Variants in TNFRSF17 observed in about 807,000 individuals in gnomAD.
TNFRSF17 encodes the protein tumor necrosis factor receptor superfamily member 17.
Under a neutral mutation model 9.9 loss-of-function variants are expected in TNFRSF17, and 13 were observed. That is an observed-to-expected ratio of 1.31 (90% CI 0.85 to 2.08). TNFRSF17 has a LOEUF of 2.08. Among genes scored for constraint, TNFRSF17 ranks in the 30% most tolerant of loss-of-function variants. The probability of loss-of-function intolerance (pLI) is 0.00; values close to 1 mark genes in which losing one functional copy is unlikely to be tolerated. For missense variants in TNFRSF17, 305 were observed against 225.8 expected, an observed-to-expected ratio of 1.35 and a Z score of -2.25; for synonymous variants, 99 against 83.7, an observed-to-expected ratio of 1.18 and a Z score of -1.00.
chr16:11,965,427 C>A lies in TNFRSF17; in HGVS notation c.103C>A (p.Leu35Ile), dbSNP rs1274772306. The A allele has an allele frequency of 6.2e-7, 1 of 1,614,040 alleles. No individual in the cohort carries two copies. The change falls in exon 1 of 3, where the codon CTA becomes ATA. Residue 35 changes from leucine to isoleucine, a missense_variant. Physicochemically the swap from Leu to Ile is conservative, Grantham distance 5. Coordinates refer to ENST00000053243, the MANE Select transcript of TNFRSF17 (RefSeq NM_001192.3). ...TCGATGTTCTTCTAATACTCCTCCT[C>A]TAACATGTCAGCGTTATTGTAATGC... Reference protein sequence around the residue: ...QLRCSSNTPPLTCQRYCNASV... With the variant: ...QLRCSSNTPPITCQRYCNASV...
At chr16:11,966,375 C>T (rs1394286111) in intron 2 of TNFRSF17, 34 bp downstream of exon 2, 6 of 1,596,784 alleles carry the variant, frequency 3.8e-6, no homozygotes, top group Non-Finnish European at 5.1e-6. Flanking sequence ...AAATCTATTT[C>T]CAGGGGATGG....
rs1206424584 is a variant in TNFRSF17, at chr16:11,966,199, G to C, written c.135G>C (p.Val45=). 1 of 1,612,634 alleles carries C rather than the reference G, an allele frequency of 6.2e-7. No homozygotes were observed. Among genetic ancestry groups the C allele is most frequent in the Admixed American group, 1.7e-5 (1 of 59,882 alleles). Residue 45 remains valine (V), a synonymous_variant, in exon 2 of 3, where the codon GTG becomes GTC. Transcript: ENST00000053243. ...TCTGATGTTCTTTTCATAAAGGTGTGACCAATTCAGTGAAAGGAACGAATG... is the reference window on the plus strand; with the variant it reads ...TCTGATGTTCTTTTCATAAAGGTGTCACCAATTCAGTGAAAGGAACGAATG... ...LTCQRYCNAS[V]TNSVKGTNAI... is the part of the protein sequence containing the mutation.
intron 1 of TNFRSF17, among the ~76,000 whole-genome samples, chr16:11,965,827 C>A (rs1295645821): frequency 6.6e-6 from 1 of 151,976 alleles, no homozygotes; most frequent in East Asian, 1.9e-4. Flanking sequence ...GTATGACAGC[C>A]GGGTGCGGTG....
chr16:11,966,122 A>G, intron 1 of TNFRSF17, 73 bp from the exon 2 acceptor site: 3 of 1,431,634 alleles, frequency 2.1e-6, no homozygotes, highest in Non-Finnish European at 2.8e-6. Flanking sequence ...AAATAAATAA[A>G]TAAATAATAA....
intron 2 of TNFRSF17, among the ~76,000 whole-genome samples, chr16:11,966,764 T>C (rs1247637886): frequency 2.6e-5 from 4 of 152,144 alleles, no homozygotes; most frequent in Non-Finnish European, 5.9e-5. Flanking sequence ...GAGTGAACAT[T>C]TTACTACTGA....
Position 11,967,793 on chromosome 16 carries a change from C to G in TNFRSF17, c.501C>G (p.Ser167Arg). 1 of 1,614,182 alleles carries G rather than the reference C, an allele frequency of 6.2e-7. No individual in the cohort carries two copies. The highest frequency in any genetic ancestry group is 1.6e-4 in the Middle Eastern group (1 of 6,062). Residue 167 changes from serine (S) to arginine (R), a missense_variant, in exon 3 of 3, where the codon AGC becomes AGG. Transcript: ENST00000053243. The part of the protein sequence containing the change: ...VTTKTNDYCK[S>R]LPAALSATEI... ...CGAAAACGAATGACTATTGCAAGAGCCTGCCAGCTGCTTTGAGTGCTACGG... is the reference window on the plus strand; with the variant it reads ...CGAAAACGAATGACTATTGCAAGAGGCTGCCAGCTGCTTTGAGTGCTACGG...
Position 11,967,962 on chromosome 16 carries a change from T to G in TNFRSF17, c.*115T>G. 1 of 1,196,944 alleles carries G rather than the reference T, an allele frequency of 8.4e-7. No homozygotes were observed. Among genetic ancestry groups the G allele is most frequent in the Non-Finnish European group, 1.2e-6 (1 of 868,048 alleles). The allele number at this position is 1,196,944 out of a possible 1,614,324, so 74.1% of individuals were successfully genotyped here. A position where few individuals can be genotyped will look rare whatever the true frequency, so the allele number is the denominator to read the frequency against. ...CAGTTGCCGATACAGCTTTTTGTCCTCTAACTGTGGAAACTCTTTATGTTA... is the reference window on the plus strand; with the variant it reads ...CAGTTGCCGATACAGCTTTTTGTCCGCTAACTGTGGAAACTCTTTATGTTA... On this transcript the variant is annotated 3_prime_UTR_variant, in exon 3 of 3. Transcript: ENST00000053243.
intron 1 of TNFRSF17, 78 bp downstream of exon 1, chr16:11,965,532 C>T: frequency 7.1e-7 from 1 of 1,418,412 alleles, no homozygotes; most frequent in South Asian, 1.3e-5. Flanking sequence ...AGAGAATCAA[C>T]ATAATGGGCA....
chr16:11,965,571 A>T (rs2055187023), intron 1 of TNFRSF17, 117 bp downstream of exon 1: 2 of 1,087,856 alleles, frequency 1.8e-6, no homozygotes, highest in Admixed American at 5.0e-5. Flanking sequence ...AATCAAAAAG[A>T]GAAAGGAAGC....
Position 11,965,330 on chromosome 16 carries a change from G to T in TNFRSF17, c.6G>T (p.Leu2Phe). The T allele has an allele frequency of 5.6e-6, 9 of 1,613,998 alleles. No homozygotes were observed. ...CTTGTTTTCTTTTTGTGATCATGTT[G>T]CAGATGGCTGGGCAGTGCTCCCAAA... Reference protein sequence around the residue: MLQMAGQCSQNE... With the variant: MFQMAGQCSQNE... Residue 2 changes from leucine (L) to phenylalanine (F), a missense_variant, in exon 1 of 3, where the codon TTG (leucine) becomes TTT (phenylalanine). Coordinates refer to ENST00000053243, the MANE Select transcript of TNFRSF17 (RefSeq NM_001192.3).
intron 2 of TNFRSF17, among the ~76,000 whole-genome samples, chr16:11,966,685 C>A (rs978973126): frequency 1.3e-5 from 2 of 152,156 alleles, no homozygotes; most frequent in African/African-American, 4.8e-5. Context: ...AGGTCTGCTA[C>A]TGTCAGGAAA....
chr16:11,965,223 T>C lies in TNFRSF17; in HGVS notation c.-102T>C, dbSNP rs920995281. 26 of 1,501,266 alleles carry C rather than the reference T, an allele frequency of 1.7e-5. No individual in the cohort carries two copies. The African/African-American group carries it at 3.5e-4, about 20-fold the overall frequency. The allele number at this position is 1,501,266 out of a possible 1,614,324, so 93.0% of individuals were successfully genotyped here. The stretch of plus-strand genomic sequence containing the variant: ...CAGGCGAAGTTCATTGTTCTCAACA[T>C]TCTAGCTGCTCTTGCTGCATTTGCT... On this transcript the variant is annotated 5_prime_UTR_variant, in exon 1 of 3. Transcript: ENST00000053243.
intron 2 of TNFRSF17, 50 bp downstream of exon 2, chr16:11,966,391 G>A (rs775983218): frequency 1.9e-6 from 3 of 1,562,626 alleles, no homozygotes; most frequent in Non-Finnish European, 2.6e-6. Context: ...GATGGCTATT[G>A]TGAGTTTCAG....
Position 11,967,964 on chromosome 16 carries a change from T to C in TNFRSF17, c.*117T>C. On this transcript the variant is annotated 3_prime_UTR_variant, in exon 3 of 3. Transcript: ENST00000053243. ...GTTGCCGATACAGCTTTTTGTCCTC[T>C]AACTGTGGAAACTCTTTATGTTAGA... is the stretch of plus-strand genomic sequence containing the variant. The C allele has an allele frequency of 1.7e-6, 2 of 1,174,832 alleles. No homozygotes were observed. The highest frequency in any genetic ancestry group is 2.6e-5 in the Admixed American group (1 of 38,412). 72.8% of individuals were successfully genotyped at this position (1,174,832 alleles called of 1,614,324 possible).
chr16:11,967,597 T>A lies in TNFRSF17; in HGVS notation c.305T>A (p.Ile102Asn). 1 of 1,613,932 alleles carries A rather than the reference T, an allele frequency of 6.2e-7. No individual in the cohort carries two copies. Among genetic ancestry groups the A allele is most frequent in the Non-Finnish European group, 8.5e-7 (1 of 1,179,822 alleles). ...TCAGGTCTCCTGGGCATGGCTAACA[T>A]TGACCTGGAAAAGAGCAGGACTGGT... ...TGSGLLGMAN[I>N]DLEKSRTGDE... The change falls in exon 3 of 3, where the codon ATT (isoleucine) becomes AAT (asparagine). Residue 102 changes from isoleucine (I) to asparagine (N), a missense_variant. Coordinates refer to ENST00000053243, the MANE Select transcript of TNFRSF17 (RefSeq NM_001192.3).
At position 11,967,873 on chromosome 16, in the gene TNFRSF17, C is replaced by T. The variant is rs763704315; in HGVS notation, c.*26C>T. 23 of 1,602,970 alleles carry T rather than the reference C, an allele frequency of 1.4e-5. No homozygotes were observed. The highest frequency in any genetic ancestry group is 1.8e-5 in the Non-Finnish European group (21 of 1,173,836). On this transcript the variant is annotated 3_prime_UTR_variant, in exon 3 of 3. Coordinates refer to ENST00000053243, the MANE Select transcript of TNFRSF17 (RefSeq NM_001192.3). ...TTAACCATTTCGACTCGAGCAGTGCCACTTTAAAAATCTTTTGTCAGAATA... is the reference window on the plus strand; with the variant it reads ...TTAACCATTTCGACTCGAGCAGTGCTACTTTAAAAATCTTTTGTCAGAATA...
intron 2 of TNFRSF17, among the ~76,000 whole-genome samples, chr16:11,967,298 A>G (rs2055202031): frequency 6.6e-6 from 1 of 152,146 alleles, no homozygotes; most frequent in Non-Finnish European, 1.5e-5. Context: ...CACAGGGCCC[A>G]GCACATACTC....
In TNFRSF17 at chr16:11,967,998, T is replaced by C. The variant is rs2055209542; in HGVS notation, c.*151T>C. On this transcript the variant is annotated 3_prime_UTR_variant, in exon 3 of 3. Transcript: ENST00000053243. ...AAACTCTTTATGTTAGATATATTTC[T>C]CTAGGTTACTGTTGGGAGCTTAATG... 1.2e-6 allele frequency: 1 copy of C among 865,868 alleles called. No homozygotes were observed. Among genetic ancestry groups the C allele is most frequent in the Non-Finnish European group, 1.7e-6 (1 of 584,140 alleles). The allele number at this position is 865,868 out of a possible 1,614,324, so 53.6% of individuals were successfully genotyped here. A position where few individuals can be genotyped will look rare whatever the true frequency, so the allele number is the denominator to read the frequency against.
intron 2 of TNFRSF17, 36 bp downstream of exon 2, chr16:11,966,377 A>T: frequency 6.3e-7 from 1 of 1,597,058 alleles, no homozygotes; most frequent in Non-Finnish European, 8.5e-7. Flanking sequence ...ATCTATTTCC[A>T]GGGGATGGCT....
Sources: gnomAD v4.1 joint callset for allele counts (sites outside exome capture counted in the v4.1 genomes callset) on GRCh38, gnomAD v4.1.1 for gene constraint, MANE v1.5 for transcripts, NCBI Gene and HGNC (gene_info 2026-07-23, HGNC 2026-07-21) for gene names.